The following PRRG2 variants were observed in gnomAD, a reference collection of about 807,000 sequenced individuals.
The protein encoded by PRRG2 is proline rich and Gla domain 2.
A neutral mutation model predicts 27.1 loss-of-function variants in PRRG2; 23 were observed. The observed-to-expected ratio is 0.85, with a 90% CI of 0.61 to 1.20. The LOEUF (loss-of-function observed/expected upper bound fraction) is 1.20. Ranked by LOEUF, PRRG2 falls within the 50% of genes most tolerant of loss-of-function variation. The pLI is 0.00. For synonymous variants in PRRG2, 104 were observed against 103.4 expected (o/e 1.01, Z -0.03); for missense variants, 276 against 254.8 (o/e 1.08, Z -0.57).
chr19:49,588,347 A>T, intron 4 of PRRG2, 150 bp from the exon 5 acceptor site: 1 of 1,050,474 alleles, frequency 9.5e-7, no homozygotes, highest in Non-Finnish European at 1.4e-6. Context: ...GAAAGGAATG[A>T]GGTGAATTTC....
chr19:49,582,855 G>A (rs564865366), intron 1 of PRRG2, among the ~76,000 whole-genome samples: 73 of 151,646 alleles, frequency 4.8e-4, no homozygotes, highest in Non-Finnish European at 8.5e-4. Context: ...GTGACAGAGC[G>A]AGACTCTGTC....
At chr19:49,587,329 T>C (rs1192732686) in intron 4 of PRRG2, among the ~76,000 whole-genome samples, 1 of 148,062 alleles carries the variant, frequency 6.8e-6, no homozygotes, top group South Asian at 2.1e-4. Context: ...ACATCCTTTT[T>C]TTTTTTTTTT....
At position 49,590,502 on chromosome 19, in the gene PRRG2, G is replaced by A; in HGVS notation, c.*113G>A. 1 of 1,464,140 alleles carries A rather than the reference G, an allele frequency of 6.8e-7. No individual in the cohort carries two copies. 90.7% of individuals were successfully genotyped at this position (1,464,140 alleles called of 1,614,324 possible). On this transcript the variant is annotated 3_prime_UTR_variant, in exon 7 of 7. Coordinates refer to ENST00000246794, the MANE Select transcript of PRRG2 (RefSeq NM_000951.3). ...CTGGACTTGGAGTGGGGAATGGTGGGAGTAGGGGTCATCCGGCCCGAGGCC... is the reference window on the plus strand; with the variant it reads ...CTGGACTTGGAGTGGGGAATGGTGGAAGTAGGGGTCATCCGGCCCGAGGCC...
chr19:49,590,003 G>A lies in PRRG2; in HGVS notation c.541G>A (p.Ala181Thr), dbSNP rs774140987. Residue 181 changes from alanine to threonine, a missense_variant, in exon 6 of 7, where the codon GCG (alanine) becomes ACG (threonine). Ala to Thr is a moderately conservative substitution (Grantham distance 58). Coordinates refer to ENST00000246794, the MANE Select transcript of PRRG2 (RefSeq NM_000951.3). ...CCCAGGCCTCCCCACCTATGAGCAG[G>A]CGCTGGCAGCCTCTGGGGTACACGA... ...PPPGLPTYEQ[A>T]LAASGVHDAP... The A allele has an allele frequency of 3.9e-6, 6 of 1,533,256 alleles. No homozygotes were observed. The highest frequency in any genetic ancestry group is 5.2e-6 in the Non-Finnish European group (6 of 1,145,644). 95.0% of individuals were successfully genotyped at this position (1,533,256 alleles called of 1,614,324 possible). A position where few individuals can be genotyped will look rare whatever the true frequency, so the allele number is the denominator to read the frequency against.
Position 49,588,559 on chromosome 19 carries a change from G to A in PRRG2, c.364G>A (p.Val122Ile). The change falls in exon 5 of 7, where the codon GTC becomes ATC. Residue 122 changes from valine to isoleucine, a missense_variant. Coordinates refer to ENST00000246794, the MANE Select transcript of PRRG2 (RefSeq NM_000951.3). ...VGLTGGILLI[V>I]LAGLGAFWYL... The stretch of plus-strand genomic sequence containing the variant: ...GCTGACAGGTGGCATCCTGCTCATT[G>A]TCCTGGCCGGCCTGGGAGCCTTTTG... 2 of 1,566,994 alleles carry A rather than the reference G, an allele frequency of 1.3e-6. No individual in the cohort carries two copies. The highest frequency in any genetic ancestry group is 1.7e-6 in the Non-Finnish European group (2 of 1,156,018).
At chr19:49,587,415 C>T (rs1282538273) in intron 4 of PRRG2, among the ~76,000 whole-genome samples, 5 of 147,956 alleles carry the variant, frequency 3.4e-5, no homozygotes, top group African/African-American at 1.0e-4. Context: ...CCGGCTCAAG[C>T]GATCCTCCTG....
intron 4 of PRRG2, among the ~76,000 whole-genome samples, chr19:49,587,203 C>A (rs1031916747): frequency 4.0e-5 from 6 of 151,360 alleles, no homozygotes; most frequent in African/African-American, 7.3e-5. Flanking sequence ...GTTGCCCAGG[C>A]TGGGCTCAAG....
chr19:49,583,584 GCCATAC>G lies in PRRG2; in HGVS notation c.131_136del (p.His44_Thr45del). 3.1e-6 allele frequency: 5 copies of G among 1,614,192 alleles called. No individual in the cohort carries two copies. In the South Asian group the frequency reaches 4.4e-5, roughly 14 times the overall value. ...CCAGAGGCCCAGAGCTTCCTGAGTA[GCCATAC>G]CCGGATTCCAAGAGCCAACCACTGG... On this transcript the variant is annotated inframe_deletion, in exon 3 of 7. Coordinates refer to ENST00000246794, the MANE Select transcript of PRRG2 (RefSeq NM_000951.3).
intron 4 of PRRG2, among the ~76,000 whole-genome samples, chr19:49,587,959 GTT>G (rs1326983588): frequency 3.3e-5 from 4 of 121,390 alleles, no homozygotes; most frequent in Admixed American, 1.5e-4. Context: ...TTGTTTGTTT[GTT>G]TTGTTTTTTT....
intron 4 of PRRG2, among the ~76,000 whole-genome samples, chr19:49,587,147 C>CA (rs1214176130): frequency 5.2e-4 from 69 of 133,368 alleles, no homozygotes; most frequent in Admixed American, 8.4e-4. Flanking sequence ...GACCCTGTCT[C>CA]AAAAAAAAAA....
chr19:49,588,394 C>T (rs2080687920), intron 4 of PRRG2, 103 bp from the exon 5 acceptor site: 4 of 1,475,590 alleles, frequency 2.7e-6, no homozygotes, highest in East Asian at 5.0e-5. Flanking sequence ...CCCAGCTCTG[C>T]CTGCTTCCGG....
chr19:49,590,224 A>G (rs961289862), intron 6 of PRRG2, 147 bp from the exon 7 acceptor site: 18 of 1,430,238 alleles, frequency 1.3e-5, no homozygotes, highest in African/African-American at 2.9e-5. Flanking sequence ...CCAGCGTTGT[A>G]TGTGTGGAGC....
At chr19:49,590,194 CAATGGTCTA>C in intron 6 of PRRG2, 142 bp downstream of exon 6, 4 of 1,398,336 alleles carry the variant, frequency 2.9e-6, no homozygotes, top group Non-Finnish European at 2.9e-6. Context: ...GGGCCCCATG[CAATGGTCTA>C]GGGGCGTGGC....
chr19:49,583,173 A>C, intron 1 of PRRG2, 34 bp from the exon 2 acceptor site: 1 of 1,565,850 alleles, frequency 6.4e-7, no homozygotes. Context: ...CCAGGGACTA[A>C]GGCCCTTGTC....
intron 5 of PRRG2, 77 bp downstream of exon 5, chr19:49,588,709 T>C (rs2080691351): frequency 6.9e-7 from 1 of 1,446,260 alleles, no homozygotes; most frequent in African/African-American, 1.4e-5. Flanking sequence ...AGGGATGTGC[T>C]AAGGATTGGG....
intron 4 of PRRG2, among the ~76,000 whole-genome samples, chr19:49,587,182 A>C (rs1294688486): frequency 2.7e-5 from 4 of 150,638 alleles, no homozygotes; most frequent in African/African-American, 9.8e-5. Context: ...TTTTTGGTAG[A>C]GCCTCCCTAT....
rs748490840 is a variant in PRRG2 at position 49,583,247 on chromosome 19, C to T, written c.28C>T (p.Leu10=). ...GAGGGGCCACCCCTCTCTGCTGCTG[C>T]TATATATGGCATTAACCACCTGCCT... MRGHPSLLL[L]YMALTTCLDT... The change falls in exon 2 of 7, where the codon CTA becomes TTA. Residue 10 remains leucine, a synonymous_variant. Transcript: ENST00000246794. 4.4e-5 allele frequency: 71 copies of T among 1,614,026 alleles called. No individual in the cohort carries two copies. The Admixed American group carries it at 8.0e-4, about 18-fold the overall frequency.
At chr19:49,587,054 G>T (rs1050738686) in intron 4 of PRRG2, among the ~76,000 whole-genome samples, 2 of 152,016 alleles carry the variant, frequency 1.3e-5, no homozygotes, top group Non-Finnish European at 2.9e-5. Context: ...CTACTCAGGA[G>T]GCAGAGGTGG....
chr19:49,588,835 C>T (rs888589974), intron 5 of PRRG2, among the ~76,000 whole-genome samples: 2 of 152,240 alleles, frequency 1.3e-5, no homozygotes, highest in Middle Eastern at 3.4e-3. Context: ...CAGTACCTGG[C>T]CCGCAGTAGG....
Sources: allele counts gnomAD v4.1 joint callset (sites outside exome capture counted in the v4.1 genomes callset), GRCh38; gene constraint gnomAD v4.1.1; transcripts MANE v1.5; gene names NCBI Gene and HGNC (gene_info 2026-07-23, HGNC 2026-07-21).